Variants in PCDH15 observed in about 807,000 individuals in gnomAD.
PCDH15 encodes protocadherin-15.
Under a neutral mutation model 178.5 loss-of-function variants are expected in PCDH15, and 129 were observed. The ratio of observed to expected loss-of-function variants is 0.72; its 90% confidence interval spans 0.63 to 0.84. PCDH15 has a LOEUF of 0.84. PCDH15 is among the 40% of genes least tolerant of loss of function. PCDH15 has a pLI of 0.00. For synonymous variants in PCDH15, 800 were observed against 732.0 expected (o/e 1.09, Z -1.50); for missense variants, 2,230 against 2,099.9 (o/e 1.06, Z -1.21).
rs1842976277 is a variant in PCDH15 at position 55,290,303 on chromosome 10, A to AG, written c.-156+29295_-156+29296insC. 2.6e-5 allele frequency among the ~76,000 whole-genome samples: 4 copies of AG among 152,016 alleles called. 1 individual carries two copies. The highest frequency in any genetic ancestry group is 7.3e-5 in the African/African-American group (3 of 41,332). On this transcript the variant is annotated intron_variant, in intron 1 of 5. Coordinates refer to the PCDH15 transcript ENST00000458638. Reference sequence around the variant, plus strand: ...GTATTAGAGTAATTAAATGTTTAATACTTTTAATATCTTAAACATCACAGT... The same window carrying AG: ...GTATTAGAGTAATTAAATGTTTAATAGCTTTTAATATCTTAAACATCACAGT...
intron 3 of PCDH15, among the ~76,000 whole-genome samples, chr10:54,475,285 G>T (rs555351171): frequency 1.3e-5 from 2 of 151,814 alleles, no homozygotes; most frequent in African/African-American, 4.8e-5. Context: ...AATATTCAAC[G>T]TTTATTTTAC....
chr10:54,544,018 A>C (rs1278696383), intron 2 of PCDH15, among the ~76,000 whole-genome samples: 2 of 152,166 alleles, frequency 1.3e-5, no homozygotes, highest in Non-Finnish European at 2.9e-5. Flanking sequence ...TTTATTCTCA[A>C]AGAAAACATT....
chr10:55,159,005 G>C (rs1156966119), intron 2 of PCDH15, among the ~76,000 whole-genome samples: 1 of 151,916 alleles, frequency 6.6e-6, no homozygotes, highest in Admixed American at 6.6e-5. Context: ...ACAAACCTAC[G>C]CAGTGTGAAG....
At chr10:54,997,145 G>C (rs1839669376) in intron 2 of PCDH15, among the ~76,000 whole-genome samples, 1 of 151,350 alleles carries the variant, frequency 6.6e-6, no homozygotes, top group Non-Finnish European at 1.5e-5. Flanking sequence ...CTTGGAAACT[G>C]CTGCACCCAA....
rs148491075 is a variant in PCDH15, at chr10:53,952,203, T to C, written c.3122+7529A>G. Among the ~76,000 whole-genome samples, 74 of 152,306 alleles carry C rather than the reference T, an allele frequency of 4.9e-4. 1 individual carries two copies. In the South Asian group the frequency reaches 8.7e-3, roughly 18 times the overall value. On this transcript the variant is annotated intron_variant, in intron 23 of 37. Coordinates refer to ENST00000644397, the MANE Select transcript of PCDH15 (RefSeq NM_001384140.1). ...AGGCATGTTTCAGCCCTGCTGGTATTACTGCTCTTTCAGTCCTGCCATTCA... is the reference window on the plus strand; with the variant it reads ...AGGCATGTTTCAGCCCTGCTGGTATCACTGCTCTTTCAGTCCTGCCATTCA...
intron 1 of PCDH15, among the ~76,000 whole-genome samples, chr10:54,780,733 TA>T (rs35494053): frequency 0.26 from 30,118 of 114,196 alleles, 3,038 homozygotes; most frequent in African/African-American, 0.3. Context: ...AGCAATTGTG[TA>T]AAAAAAAAAA....
intron 3 of PCDH15, among the ~76,000 whole-genome samples, chr10:54,426,272 G>A (rs1237720411): frequency 1.3e-5 from 2 of 152,086 alleles, no homozygotes; most frequent in Non-Finnish European, 2.9e-5. Context: ...GATTCATTTT[G>A]CGGAATATAA....
intron 26 of PCDH15, among the ~76,000 whole-genome samples, chr10:53,888,353 TATATAC>T (rs1242912472): frequency 1.5e-5 from 1 of 68,100 alleles, no homozygotes; most frequent in African/African-American, 4.5e-5. Flanking sequence ...TATATACGTA[TATATAC>T]ATATATATAT....
At chr10:54,405,227 C>T (rs1952493211) in intron 3 of PCDH15, among the ~76,000 whole-genome samples, 1 of 152,076 alleles carries the variant, frequency 6.6e-6, no homozygotes, top group Non-Finnish European at 1.5e-5. Flanking sequence ...TCACTATTCA[C>T]AGTAGCAAAG....
chr10:54,017,132 TCCTG>T (rs2092765223), intron 20 of PCDH15, among the ~76,000 whole-genome samples: 1 of 152,178 alleles, frequency 6.6e-6, no homozygotes, highest in Admixed American at 6.5e-5. Flanking sequence ...CAAGCGATTC[TCCTG>T]CCTCAGCCTC....
At chr10:54,442,519 A>G (rs1276105544) in intron 3 of PCDH15, among the ~76,000 whole-genome samples, 2 of 141,824 alleles carry the variant, frequency 1.4e-5, no homozygotes, top group African/African-American at 2.6e-5. Flanking sequence ...CAATCTGCAC[A>G]TATACAACTC....
chr10:55,473,942 AACC>A (rs559526322), intron 2 of PCDH15, among the ~76,000 whole-genome samples: 54 of 152,300 alleles, frequency 3.5e-4, no homozygotes, highest in Non-Finnish European at 7.1e-4. Flanking sequence ...TTTAAGTAAT[AACC>A]AAAATCAAGG....
intron 2 of PCDH15, among the ~76,000 whole-genome samples, chr10:54,992,004 T>A (rs1839512568): frequency 6.6e-6 from 1 of 152,082 alleles, no homozygotes; most frequent in African/African-American, 2.4e-5. Context: ...TAACATGCTT[T>A]CTCATATTAT....
intron 2 of PCDH15, among the ~76,000 whole-genome samples, chr10:55,570,861 G>T (rs1281972403): frequency 6.6e-6 from 1 of 151,950 alleles, no homozygotes; most frequent in Non-Finnish European, 1.5e-5. Flanking sequence ...TCTTTCAAGT[G>T]TTATCGTCTG....
At chr10:54,026,765 A>T (rs2093110305) in intron 18 of PCDH15, among the ~76,000 whole-genome samples, 1 of 152,174 alleles carries the variant, frequency 6.6e-6, no homozygotes, top group African/African-American at 2.4e-5. Flanking sequence ...ACTCTCAATA[A>T]ATTAGGTATT....
intron 2 of PCDH15, among the ~76,000 whole-genome samples, chr10:55,420,460 AT>A (rs147555336): frequency 1.3e-5 from 2 of 150,708 alleles, no homozygotes; most frequent in East Asian, 1.9e-4. Context: ...TAGGTATTGC[AT>A]TTTTTTTCCC....
At chr10:54,383,468 TAGAA>T (rs1949490589) in intron 3 of PCDH15, among the ~76,000 whole-genome samples, 3 of 152,060 alleles carry the variant, frequency 2.0e-5, no homozygotes, top group Admixed American at 6.6e-5. Flanking sequence ...AGAGATAAAA[TAGAA>T]AGACGTTCAG....
intron 2 of PCDH15, among the ~76,000 whole-genome samples, chr10:55,473,760 T>C (rs1216200043): frequency 1.3e-5 from 2 of 152,176 alleles, no homozygotes; most frequent in Non-Finnish European, 2.9e-5. Context: ...AAATTTGGTA[T>C]GCTTTTTCTC....
intron 3 of PCDH15, among the ~76,000 whole-genome samples, chr10:54,410,403 T>C (rs1253857074): frequency 1.3e-5 from 2 of 152,164 alleles, no homozygotes; most frequent in East Asian, 1.9e-4. Flanking sequence ...GCTTTTAATT[T>C]ATTTCTTTTA....
Sources: allele counts gnomAD v4.1 joint callset (sites outside exome capture counted in the v4.1 genomes callset), GRCh38; gene constraint gnomAD v4.1.1; transcripts MANE v1.5; gene names NCBI Gene and HGNC (gene_info 2026-07-23, HGNC 2026-07-21).